The following ARFGAP3 variants were observed in gnomAD, a reference collection of about 807,000 sequenced individuals.
ARFGAP3 encodes the protein ARF GTPase activating protein 3.
ARFGAP3 carries 72 observed loss-of-function variants against 75.0 expected under a neutral mutation model. The ratio of observed to expected loss-of-function variants is 0.96; its 90% CI spans 0.79 to 1.17. The LOEUF (loss-of-function observed/expected upper bound fraction) is 1.17. ARFGAP3 is among the 50% of genes most tolerant of loss of function. The probability of loss-of-function intolerance (pLI) is 0.00; values close to 1 mark genes in which losing one functional copy is unlikely to be tolerated. For synonymous variants in ARFGAP3, 221 were observed against 217.9 expected, an observed-to-expected ratio of 1.01 and a Z score of -0.13; for missense variants, 620 against 626.6, an observed-to-expected ratio of 0.99 and a Z score of 0.11.
intron 1 of ARFGAP3, among the ~76,000 whole-genome samples, chr22:42,852,610 C>G (rs946834017): frequency 6.6e-5 from 10 of 152,096 alleles, no homozygotes; most frequent in African/African-American, 2.2e-4. Flanking sequence ...ATCCACCCAC[C>G]TTGGCCTCCC....
chr22:42,801,654 C>T (rs559683021), intron 14 of ARFGAP3, among the ~76,000 whole-genome samples: 2 of 151,470 alleles, frequency 1.3e-5, no homozygotes, highest in Admixed American at 6.5e-5. Context: ...CTATGTTGGC[C>T]GGTGGGCAGG....
chr22:42,844,598 A>AC (rs1555899726), intron 2 of ARFGAP3, among the ~76,000 whole-genome samples: 26 of 107,526 alleles, frequency 2.4e-4, no homozygotes, highest in East Asian at 1.6e-3. Context: ...GGAAAAAAAA[A>AC]AAAAAAAAAT....
intron 1 of ARFGAP3, 108 bp downstream of exon 1, chr22:42,857,005 CA>C: frequency 8.3e-7 from 1 of 1,207,658 alleles, no homozygotes; most frequent in Non-Finnish European, 1.1e-6. Context: ...CGACGTGTCA[CA>C]GGCCGCGCCG....
chr22:42,825,697 A>G (rs1039358578), intron 7 of ARFGAP3, among the ~76,000 whole-genome samples: 2 of 152,018 alleles, frequency 1.3e-5, no homozygotes, highest in African/African-American at 4.8e-5. Context: ...AAAAAAAAAA[A>G]AAAAGAAACA....
chr22:42,847,223 A>T, intron 2 of ARFGAP3: 1 of 250,436 alleles, frequency 4.0e-6, no homozygotes, highest in Non-Finnish European at 7.7e-6. Flanking sequence ...GCTGGAATGC[A>T]GCGGCAAGAT....
intron 13 of ARFGAP3, 77 bp downstream of exon 13, chr22:42,808,690 C>A: frequency 7.9e-7 from 1 of 1,268,626 alleles, no homozygotes. Context: ...CACTCAGGAT[C>A]TCCTCCCCGA....
intron 2 of ARFGAP3, 31 bp downstream of exon 2, chr22:42,847,483 A>G (rs1402756539): frequency 1.3e-6 from 2 of 1,561,866 alleles, no homozygotes; most frequent in Admixed American, 1.7e-5. Flanking sequence ...AATGTAATCA[A>G]TCTCACCCCA....
intron 14 of ARFGAP3, among the ~76,000 whole-genome samples, chr22:42,803,913 T>G (rs2146526390): frequency 6.7e-6 from 1 of 149,086 alleles, no homozygotes; most frequent in Admixed American, 6.7e-5. Context: ...TTTTTTTTTT[T>G]TTTTTTTTGA....
intron 6 of ARFGAP3, among the ~76,000 whole-genome samples, chr22:42,828,154 G>A (rs1160071985): frequency 6.6e-6 from 1 of 151,516 alleles, no homozygotes; most frequent in Admixed American, 6.6e-5. Context: ...CAGGTGTGGT[G>A]GCTCACGCCT....
chr22:42,850,571 CAAAA>C (rs57841993), intron 1 of ARFGAP3, among the ~76,000 whole-genome samples: 1,352 of 57,532 alleles, frequency 0.024, 22 homozygotes, highest in African/African-American at 0.087. Flanking sequence ...ACCCTGCTAT[CAAAA>C]AAAAAAAAAA....
intron 2 of ARFGAP3, among the ~76,000 whole-genome samples, chr22:42,845,563 A>G (rs1926979954): frequency 6.6e-6 from 1 of 151,704 alleles, no homozygotes; most frequent in Non-Finnish European, 1.5e-5. Context: ...ACAACAAAAA[A>G]AAACCCCAAG....
intron 1 of ARFGAP3, among the ~76,000 whole-genome samples, chr22:42,849,849 A>G (rs1241030249): frequency 6.6e-6 from 1 of 152,042 alleles, no homozygotes; most frequent in Non-Finnish European, 1.5e-5. Flanking sequence ...GGTGTGAGCC[A>G]CCACGTCCGG....
rs549014542 is a variant in ARFGAP3, at chr22:42,799,639, C to G, written c.1412-479G>C. ...TGTCCACAGGCATGGGCACATGACCCAGGCCTGACCAATCAGAGCCTTCCC... is the reference window on the plus strand; with the variant it reads ...TGTCCACAGGCATGGGCACATGACCGAGGCCTGACCAATCAGAGCCTTCCC... On this transcript the variant is annotated intron_variant, in intron 14 of 15. Transcript: ENST00000263245. 1.4e-4 allele frequency among the ~76,000 whole-genome samples: 22 copies of G among 152,298 alleles called. No homozygotes were observed. The South Asian group carries it at 2.5e-3, about 17-fold the overall frequency.
chr22:42,808,868 C>A lies in ARFGAP3; in HGVS notation c.1219G>T (p.Asp407Tyr). ...SDRPTARRKP[D>Y]YEPVENTDEA... ...TCTGTATTTTCAACTGGCTCATAAT[C>A]TGGCTTGCGGCGAGCAGTAGGTCTG... The change falls in exon 13 of 16, where the codon GAT becomes TAT. Residue 407 changes from aspartate to tyrosine, a missense_variant. By Grantham distance (160) the Asp-to-Tyr change is radical. Coordinates refer to ENST00000263245, the MANE Select transcript of ARFGAP3 (RefSeq NM_014570.5). The A allele has an allele frequency of 6.2e-7, 1 of 1,612,746 alleles. No homozygotes were observed. Among genetic ancestry groups the A allele is most frequent in the African/African-American group, 1.3e-5 (1 of 75,012 alleles).
rs71186547 is a variant in ARFGAP3, at chr22:42,837,675, C to CTTTTTTTTTTTTTTTTT, written c.262-2199_262-2183dup. ...GCCTTGAAACATCTAAGGCATACTT[C>CTTTTTTTTTTTTTTTTT]TTTTTTTTTTTTTTTTTTTTTTGAG... On this transcript the variant is annotated intron_variant, in intron 3 of 15. Transcript: ENST00000263245. 7.5e-3 allele frequency among the ~76,000 whole-genome samples: 570 copies of CTTTTTTTTTTTTTTTTT among 75,654 alleles called. 80 individuals are homozygous for CTTTTTTTTTTTTTTTTT. Among genetic ancestry groups the CTTTTTTTTTTTTTTTTT allele is most frequent in the East Asian group, 0.049 (80 of 1,632 alleles). 49.6% of individuals were successfully genotyped at this position (75,654 alleles called of 152,430 possible).
At chr22:42,831,397 G>T in intron 6 of ARFGAP3, 152 bp downstream of exon 6, 1 of 591,704 alleles carries the variant, frequency 1.7e-6, no homozygotes, top group Non-Finnish European at 2.8e-6. Flanking sequence ...GTCTCTGACT[G>T]CTGGGCTCAG....
chr22:42,837,431 G>A (rs1926566412), intron 3 of ARFGAP3, among the ~76,000 whole-genome samples: 1 of 151,978 alleles, frequency 6.6e-6, no homozygotes, highest in Admixed American at 6.6e-5. Context: ...GACCAGCCTG[G>A]CAACATGGCA....
At chr22:42,809,957 T>C (rs1371830652) in intron 12 of ARFGAP3, among the ~76,000 whole-genome samples, 2 of 142,826 alleles carry the variant, frequency 1.4e-5, no homozygotes, top group African/African-American at 5.4e-5. Context: ...TGAGCTGAGA[T>C]TGCACCACTG....
rs912891541 is a variant in ARFGAP3, at chr22:42,835,398, C to A, written c.357G>T (p.Ser119=). ...GCTTCCGTGTTGCTTGAGAGGCGAG[C>A]GATTTGATTTTCTCCCTATAGAGCT... ...AAQLYREKIK[S]LASQATRKHG... The change falls in exon 4 of 16, where the codon TCG becomes TCT. Residue 119 remains serine (S), a synonymous_variant. Coordinates refer to ENST00000263245, the MANE Select transcript of ARFGAP3 (RefSeq NM_014570.5). 5.6e-6 allele frequency: 9 copies of A among 1,613,892 alleles called. No individual in the cohort carries two copies. The highest frequency in any genetic ancestry group is 6.8e-6 in the Non-Finnish European group (8 of 1,179,954).
Sources: allele counts gnomAD v4.1 joint callset (sites outside exome capture counted in the v4.1 genomes callset), GRCh38; gene constraint gnomAD v4.1.1; transcripts MANE v1.5; gene names NCBI Gene and HGNC (gene_info 2026-07-23, HGNC 2026-07-21).